The following DIMT1 variants were observed in gnomAD, a reference collection of about 807,000 sequenced individuals.
DIMT1 encodes the protein dimethyladenosine transferase.
In DIMT1, 36 loss-of-function variants were observed where a neutral mutation model predicts 43.2. The ratio of observed to expected loss-of-function variants is 0.83; its 90% CI spans 0.64 to 1.10. The LOEUF (loss-of-function observed/expected upper bound fraction) is 1.10. DIMT1 is among the 50% of genes least tolerant of loss of function. The probability of loss-of-function intolerance (pLI) is 0.00; values close to 1 mark genes in which losing one functional copy is unlikely to be tolerated. For synonymous variants in DIMT1, 126 were observed against 130.3 expected (o/e 0.97, Z 0.22); for missense variants, 341 against 385.3 (o/e 0.88, Z 0.96).
intron 11 of DIMT1, among the ~76,000 whole-genome samples, chr5:62,389,936 T>C (rs1742224193): frequency 6.6e-6 from 1 of 152,196 alleles, no homozygotes; most frequent in Non-Finnish European, 1.5e-5. Flanking sequence ...CAGGTCCAGA[T>C]AAATTTCTAA....
intron 3 of DIMT1, among the ~76,000 whole-genome samples, chr5:62,400,650 C>G (rs1246385993): frequency 6.6e-6 from 1 of 152,130 alleles, no homozygotes; most frequent in Non-Finnish European, 1.5e-5. Context: ...TCCCAAAGTG[C>G]TGGGATTACA....
chr5:62,397,652 C>CT lies in DIMT1; in HGVS notation c.446+858dup, dbSNP rs35041675. Among the ~76,000 whole-genome samples the CT allele has an allele frequency of 1.1e-3, 165 of 147,446 alleles. 1 individual carries two copies. Among genetic ancestry groups the CT allele is most frequent in the Middle Eastern group, 3.5e-3 (1 of 282 alleles). ...TTCTTTGGGATATTGTCCCCATAAACTTTTTTTTTTTTTTGAGACGGAGTC... is the reference window on the plus strand; with the variant it reads ...TTCTTTGGGATATTGTCCCCATAAACTTTTTTTTTTTTTTTGAGACGGAGTC... On this transcript the variant is annotated intron_variant, in intron 6 of 11. Transcript: ENST00000199320.
intron 3 of DIMT1, 143 bp downstream of exon 3, chr5:62,401,893 A>G (rs1742721421): frequency 1.2e-6 from 1 of 818,962 alleles, no homozygotes; most frequent in Admixed American, 2.9e-5. Flanking sequence ...AATATCTCAT[A>G]TTTTCTAAGA....
intron 6 of DIMT1, 198 bp downstream of exon 6, chr5:62,398,313 C>A (rs1015269711): frequency 1.8e-6 from 1 of 560,564 alleles, no homozygotes; most frequent in African/African-American, 1.9e-5. Context: ...GCTGTCTGGT[C>A]TCAGAAGCAG....
chr5:62,391,751 T>C (rs1742311567), intron 10 of DIMT1: 1 of 1,355,654 alleles, frequency 7.4e-7, no homozygotes. Context: ...TATTTCAATT[T>C]CTATACAAAG....
intron 10 of DIMT1, chr5:62,391,931 T>A (rs1451696398): frequency 6.5e-7 from 1 of 1,535,556 alleles, no homozygotes; most frequent in Non-Finnish European, 8.7e-7. Flanking sequence ...TAAAAACAAC[T>A]GTCAGTAGTT....
chr5:62,403,481 C>G (rs965692741), intron 1 of DIMT1, 135 bp from the exon 2 acceptor site: 2 of 1,001,988 alleles, frequency 2.0e-6, no homozygotes, highest in African/African-American at 3.2e-5. Context: ...CCAGGACTGA[C>G]AAACTCTTTA....
chr5:62,396,341 C>G (rs1329344518), intron 6 of DIMT1, among the ~76,000 whole-genome samples: 2 of 151,576 alleles, frequency 1.3e-5, no homozygotes, highest in African/African-American at 2.4e-5. Flanking sequence ...AGACCCATCT[C>G]TAAAAAAAAT....
chr5:62,395,597 A>T (rs1328237193), intron 6 of DIMT1, among the ~76,000 whole-genome samples: 1 of 151,824 alleles, frequency 6.6e-6, no homozygotes, highest in African/African-American at 2.4e-5. Flanking sequence ...ACAAAAAAAA[A>T]GAATGGTCAT....
At chr5:62,397,994 A>T (rs1742558716) in intron 6 of DIMT1, among the ~76,000 whole-genome samples, 1 of 152,084 alleles carries the variant, frequency 6.6e-6, no homozygotes, top group Admixed American at 6.6e-5. Context: ...TTTCACCATA[A>T]ATTGGATGTT....
At chr5:62,390,375 C>T (rs577880793) in intron 11 of DIMT1, among the ~76,000 whole-genome samples, 1 of 152,254 alleles carries the variant, frequency 6.6e-6, no homozygotes, top group South Asian at 2.1e-4. Flanking sequence ...TTGCTTCAGG[C>T]TACAAAACTG....
chr5:62,401,689 T>C (rs1463591085), intron 3 of DIMT1, among the ~76,000 whole-genome samples: 3 of 148,968 alleles, frequency 2.0e-5, no homozygotes, highest in Non-Finnish European at 4.5e-5. Flanking sequence ...TTCAAGTGAT[T>C]CTCCTGCCCC....
intron 1 of DIMT1, 108 bp from the exon 2 acceptor site, chr5:62,403,454 G>T (rs1580134666): frequency 3.5e-6 from 4 of 1,153,162 alleles, no homozygotes; most frequent in Admixed American, 1.8e-5. Context: ...CGCCAACCAG[G>T]GCCACGAAAC....
At chr5:62,401,936 C>A in intron 3 of DIMT1, 100 bp downstream of exon 3, 1 of 1,201,882 alleles carries the variant, frequency 8.3e-7, no homozygotes, top group Non-Finnish European at 1.2e-6. Context: ...GGAGTTACTA[C>A]TAAAATAATA....
chr5:62,395,333 T>C, intron 6 of DIMT1, among the ~76,000 whole-genome samples: 1 of 152,072 alleles, frequency 6.6e-6, no homozygotes, highest in Non-Finnish European at 1.5e-5. Flanking sequence ...CCAAAAGATG[T>C]AGACTTTTTA....
intron 6 of DIMT1, among the ~76,000 whole-genome samples, chr5:62,394,986 G>A (rs922073036): frequency 6.6e-6 from 1 of 151,596 alleles, no homozygotes; most frequent in Non-Finnish European, 1.5e-5. Flanking sequence ...AGATTGTGAC[G>A]TTCAATGTTT....
At chr5:62,394,338 C>T in intron 7 of DIMT1, 146 bp downstream of exon 7, 1 of 872,606 alleles carries the variant, frequency 1.1e-6, no homozygotes, top group East Asian at 2.6e-5. Context: ...CGTGGTGACG[C>T]ACACCTCTAG....
intron 6 of DIMT1, among the ~76,000 whole-genome samples, chr5:62,396,202 G>A (rs1742487349): frequency 7.2e-6 from 1 of 138,850 alleles, no homozygotes; most frequent in African/African-American, 2.8e-5. Context: ...TTTTAAGACT[G>A]GGAAACGAAA....
chr5:62,394,751 T>A, intron 6 of DIMT1, 144 bp from the exon 7 acceptor site: 7 of 1,171,512 alleles, frequency 6.0e-6, no homozygotes, highest in South Asian at 1.6e-5. Context: ...GCCTTTTTTT[T>A]ATTGCCACAG....
Sources: gnomAD v4.1 joint callset for allele counts (sites outside exome capture counted in the v4.1 genomes callset) on GRCh38, gnomAD v4.1.1 for gene constraint, MANE v1.5 for transcripts, NCBI Gene and HGNC (gene_info 2026-07-23, HGNC 2026-07-21) for gene names.